ANKFN1: variants seen among roughly 807,000 people sequenced by gnomAD.
The protein encoded by ANKFN1 is ankyrin repeat and fibronectin type III domain containing 1.
ANKFN1 carries 74 observed loss-of-function variants against 108.7 expected under a neutral mutation model. The observed-to-expected ratio is 0.68, with a 90% confidence interval of 0.56 to 0.83. The LOEUF (loss-of-function observed/expected upper bound fraction) is 0.83, where lower values mean the gene tolerates loss of function less well. Ranked by LOEUF, ANKFN1 falls within the 40% of genes least tolerant of loss-of-function variation. The pLI is 0.00. For missense variants in ANKFN1, 1,505 were observed against 1,382.3 expected (o/e 1.09, Z -1.41); for synonymous variants, 547 against 516.2 (o/e 1.06, Z -0.81).
At chr17:56,383,023 T>A (rs1254286691) in intron 8 of ANKFN1, among the ~76,000 whole-genome samples, 1 of 152,130 alleles carries the variant, frequency 6.6e-6, no homozygotes, top group Admixed American at 6.5e-5. Context: ...CAACAGAATA[T>A]ACATTTTCTT....
chr17:56,185,401 A>G (rs1052359601), intron 1 of ANKFN1, among the ~76,000 whole-genome samples: 1 of 152,214 alleles, frequency 6.6e-6, no homozygotes, highest in African/African-American at 2.4e-5. Context: ...TTGCCATAGG[A>G]CAGGGTCTCC....
chr17:56,323,823 G>A (rs1435140827), intron 3 of ANKFN1, among the ~76,000 whole-genome samples: 1 of 152,170 alleles, frequency 6.6e-6, no homozygotes, highest in Non-Finnish European at 1.5e-5. Context: ...CAGAGAATAA[G>A]AGACTTTGCA....
At chr17:56,139,631 A>G (rs967442943) in intron 4 of ANKFN1, among the ~76,000 whole-genome samples, 1 of 152,172 alleles carries the variant, frequency 6.6e-6, no homozygotes, top group Admixed American at 6.5e-5. Context: ...ATATCAGGAA[A>G]TGTTAACGGA....
chr17:56,230,700 G>A (rs573056203), intron 3 of ANKFN1, among the ~76,000 whole-genome samples: 1 of 151,944 alleles, frequency 6.6e-6, no homozygotes, highest in Non-Finnish European at 1.5e-5. Context: ...GGGTGGTATG[G>A]GTGAGAAAGT....
Position 56,498,975 on chromosome 17 carries a change from A to G in ANKFN1, c.2521A>G (p.Lys841Glu), listed in dbSNP as rs1246081479. 2.0e-6 allele frequency: 3 copies of G among 1,535,788 alleles called. No individual in the cohort carries two copies. The South Asian group carries it at 3.6e-5, about 18-fold the overall frequency. ...KQPVSGLPITKLIDPSDEQSL... is the reference protein window; with the variant it reads ...KQPVSGLPITELIDPSDEQSL... ...ACCAGTTTCTGGCTTGCCCATCACT[A>G]AGCTGATAGACCCCTCAGATGAGCA... The change falls in exon 20 of 21, where the codon AAG becomes GAG. Residue 841 changes from lysine (K) to glutamate (E), a missense_variant. Physicochemically the swap from Lys to Glu is moderately conservative, Grantham distance 56. Coordinates refer to ENST00000682825, the MANE Select transcript of ANKFN1 (RefSeq NM_001370326.1).
chr17:56,279,362 A>C (rs886325228), intron 3 of ANKFN1, among the ~76,000 whole-genome samples: 1 of 152,180 alleles, frequency 6.6e-6, no homozygotes, highest in Non-Finnish European at 1.5e-5. Flanking sequence ...GTTTTCTCTA[A>C]ATGAAATTTA....
At chr17:56,108,512 T>C (rs776564211) in intron 4 of ANKFN1, among the ~76,000 whole-genome samples, 2 of 152,170 alleles carry the variant, frequency 1.3e-5, no homozygotes, top group Non-Finnish European at 2.9e-5. Context: ...GATATTCAAA[T>C]CCCCCTGATA....
At chr17:56,477,075 G>T (rs190551406) in intron 15 of ANKFN1, among the ~76,000 whole-genome samples, 1 of 152,008 alleles carries the variant, frequency 6.6e-6, no homozygotes, top group Admixed American at 6.6e-5. Flanking sequence ...AAATTACAAC[G>T]CTTCCTTAAC....
At chr17:56,311,344 TG>T (rs1428701237) in intron 3 of ANKFN1, among the ~76,000 whole-genome samples, 1 of 152,178 alleles carries the variant, frequency 6.6e-6, no homozygotes, top group African/African-American at 2.4e-5. Context: ...AGGGTTGCTG[TG>T]GGGTTCAAAA....
intron 3 of ANKFN1, among the ~76,000 whole-genome samples, chr17:56,279,640 A>C (rs930516649): frequency 1.3e-5 from 2 of 152,140 alleles, no homozygotes; most frequent in Admixed American, 6.6e-5. Flanking sequence ...TCATATACAG[A>C]ACTTTGCTCA....
intron 4 of ANKFN1, among the ~76,000 whole-genome samples, chr17:56,081,351 TTTA>T (rs557499006): frequency 2.0e-4 from 31 of 152,264 alleles, no homozygotes; most frequent in African/African-American, 7.2e-4. Context: ...TATTTATTTA[TTTA>T]TTATTTTTAT....
Position 56,422,682 on chromosome 17 carries a change from C to G in ANKFN1, c.911-17645C>G, listed in dbSNP as rs77302780. On this transcript the variant is annotated intron_variant, in intron 8 of 20. Coordinates refer to ENST00000682825, the MANE Select transcript of ANKFN1 (RefSeq NM_001370326.1). ...TGAGGATGATGAACGTTTGATAAAC[C>G]CTTACCATTCAAAATAACTTGAAAT... Among the ~76,000 whole-genome samples, 709 of 152,038 alleles carry G rather than the reference C, an allele frequency of 4.7e-3. 8 individuals are homozygous for G. The highest frequency in any genetic ancestry group is 6.4e-3 in the Non-Finnish European group (432 of 67,982).
intron 3 of ANKFN1, among the ~76,000 whole-genome samples, chr17:56,314,890 A>G (rs982185545): frequency 2.0e-5 from 3 of 151,992 alleles, no homozygotes; most frequent in African/African-American, 7.3e-5. Flanking sequence ...ACTGAAAGCA[A>G]CATAATTTTT....
At chr17:56,292,085 G>A (rs2044379279) in intron 3 of ANKFN1, among the ~76,000 whole-genome samples, 1 of 152,202 alleles carries the variant, frequency 6.6e-6, no homozygotes, top group African/African-American at 2.4e-5. Flanking sequence ...GGAGGAGATT[G>A]GTGAGAATGT....
At chr17:56,430,621 T>A (rs1173565429) in intron 8 of ANKFN1, among the ~76,000 whole-genome samples, 1 of 152,014 alleles carries the variant, frequency 6.6e-6, no homozygotes, top group African/African-American at 2.4e-5. Flanking sequence ...CACAACATCA[T>A]ATTGTAAACC....
At chr17:56,395,754 C>T (rs2047563701) in intron 8 of ANKFN1, among the ~76,000 whole-genome samples, 1 of 152,052 alleles carries the variant, frequency 6.6e-6, no homozygotes, top group Non-Finnish European at 1.5e-5. Context: ...GAGGCTGAGG[C>T]ACGAGAATCA....
chr17:56,138,589 A>T (rs1907731578), intron 4 of ANKFN1, among the ~76,000 whole-genome samples: 1 of 149,222 alleles, frequency 6.7e-6, no homozygotes. Flanking sequence ...GGCTCACTGT[A>T]ACCTCTGCCT....
intron 4 of ANKFN1, among the ~76,000 whole-genome samples, chr17:56,349,077 G>A (rs562305178): frequency 3.3e-5 from 5 of 152,238 alleles, no homozygotes; most frequent in South Asian, 2.1e-4. Flanking sequence ...GTTCTTTGTA[G>A]GGACATGGAT....
At chr17:56,165,210 A>C (rs1910036936) in intron 1 of ANKFN1, among the ~76,000 whole-genome samples, 1 of 152,224 alleles carries the variant, frequency 6.6e-6, no homozygotes, top group Non-Finnish European at 1.5e-5. Flanking sequence ...AGGGTCACGT[A>C]GGACCTGTTT....
Sources: gnomAD v4.1 joint callset for allele counts (sites outside exome capture counted in the v4.1 genomes callset) on GRCh38, gnomAD v4.1.1 for gene constraint, MANE v1.5 for transcripts, NCBI Gene and HGNC (gene_info 2026-07-23, HGNC 2026-07-21) for gene names.